Variants in APC observed in about 807,000 individuals in gnomAD.
APC encodes the protein adenomatous polyposis coli protein.
APC carries 72 observed loss-of-function variants against 247.0 expected under a neutral mutation model. The observed-to-expected ratio is 0.29, with a 90% CI of 0.24 to 0.35. The LOEUF (loss-of-function observed/expected upper bound fraction) is 0.35, where lower values mean the gene tolerates loss of function less well. Among genes scored for constraint, APC ranks in the 10% least tolerant of loss-of-function variants. APC has a pLI of 1.00. For missense variants in APC, 3,400 were observed against 3,360.7 expected (o/e 1.01, Z -0.29); for synonymous variants, 1,254 against 1,162.5 (o/e 1.08, Z -1.60).
intron 8 of APC, among the ~76,000 whole-genome samples, chr5:112,806,037 T>C (rs1761344321): frequency 6.6e-6 from 1 of 152,196 alleles, no homozygotes; most frequent in Admixed American, 6.5e-5. Flanking sequence ...TACCTCATAT[T>C]TACTGGGCCT....
Position 112,837,698 on chromosome 5 carries a change from G to C in APC, c.2104G>C (p.Gly702Arg), listed in dbSNP as rs1765106978. The stretch of plus-strand genomic sequence containing the variant: ...AGACCAGGAAGCATTATGGGACATG[G>C]GGGCAGTTAGCATGCTCAAGAACCT... ...PKDQEALWDM[G>R]AVSMLKNLIH... The change falls in exon 16 of 16, where the codon GGG becomes CGG. Residue 702 changes from glycine to arginine, a missense_variant. Physicochemically the swap from Gly to Arg is moderately radical, Grantham distance 125. Coordinates refer to ENST00000257430, the MANE Select transcript of APC (RefSeq NM_000038.6). 6.2e-7 allele frequency: 1 copy of C among 1,614,136 alleles called. No homozygotes were observed. Among genetic ancestry groups the C allele is most frequent in the Non-Finnish European group, 8.5e-7 (1 of 1,180,020 alleles).
At chr5:112,728,427 C>T (rs1223475119) in intron 1 of APC, among the ~76,000 whole-genome samples, 2 of 152,116 alleles carry the variant, frequency 1.3e-5, no homozygotes, top group East Asian at 1.9e-4. Context: ...CCACCGTGCC[C>T]GACCAGTGTA....
chr5:112,820,886 G>T (rs779782377), intron 10 of APC, among the ~76,000 whole-genome samples: 75 of 152,030 alleles, frequency 4.9e-4, no homozygotes, highest in Non-Finnish European at 9.1e-4. Context: ...TATTGAGACA[G>T]GGTCTCACAC....
intron 2 of APC, among the ~76,000 whole-genome samples, chr5:112,758,958 T>C (rs943990998): frequency 2.0e-5 from 3 of 152,210 alleles, no homozygotes; most frequent in Non-Finnish European, 4.4e-5. Context: ...AAGGTAAATA[T>C]GGCATTTTAG....
intron 9 of APC, among the ~76,000 whole-genome samples, chr5:112,816,472 G>C (rs936693057): frequency 6.6e-6 from 1 of 152,102 alleles, no homozygotes; most frequent in Non-Finnish European, 1.5e-5. Flanking sequence ...AAATATTTTA[G>C]GATTTGGGAA....
rs1208158280 is a variant in APC at position 112,739,245 on chromosome 5, TC to T, written c.-19+1322del. On this transcript the variant is annotated intron_variant, in intron 1 of 15. Transcript: ENST00000257430. ...AAGTGTTTTTCATTGAGCTTTTTTTTCCTTTACCTAAATGTAAAAGCCTATC... is the reference window on the plus strand; with the variant it reads ...AAGTGTTTTTCATTGAGCTTTTTTTTCTTTACCTAAATGTAAAAGCCTATC... 6.6e-5 allele frequency among the ~76,000 whole-genome samples: 10 copies of T among 152,314 alleles called. No individual in the cohort carries two copies. The South Asian group carries it at 1.4e-3, about 22-fold the overall frequency.
rs1580532778 is a variant in APC, at chr5:112,819,469, T to C, written c.1312+125T>C. ...AGAGGAGAAAATTCATATCAGCCAT[T>C]TGTGCTACTCATATTTAAAAGATTA... On this transcript the variant is annotated intron_variant, in intron 10 of 15. Transcript: ENST00000257430. 4 of 1,258,874 alleles carry C rather than the reference T, an allele frequency of 3.2e-6. No homozygotes were observed. In the East Asian group the frequency reaches 7.3e-5, roughly 23 times the overall value. The allele number at this position is 1,258,874 out of a possible 1,614,324, so 78.0% of individuals were successfully genotyped here. A position where few individuals can be genotyped will look rare whatever the true frequency, so the allele number is the denominator to read the frequency against.
intron 5 of APC, among the ~76,000 whole-genome samples, chr5:112,779,257 A>C (rs984057696): frequency 1.3e-5 from 2 of 152,194 alleles, no homozygotes; most frequent in Non-Finnish European, 2.9e-5. Flanking sequence ...ACCAAAGTGT[A>C]GTTTTGCTTA....
chr5:112,838,439 A>G lies in APC; in HGVS notation c.2845A>G (p.Met949Val), dbSNP rs587781348. 2.5e-6 allele frequency: 4 copies of G among 1,614,116 alleles called. No individual in the cohort carries two copies. Among genetic ancestry groups the G allele is most frequent in the African/African-American group, 2.7e-5 (2 of 74,946 alleles). ...KSENSNRTCS[M>V]PYAKLEYKRS... ...GGAAAATTCAAATAGGACATGTTCT[A>G]TGCCTTATGCCAAATTAGAATACAA... Residue 949 changes from methionine to valine, a missense_variant, in exon 16 of 16, where the codon ATG becomes GTG. Physicochemically the swap from Met to Val is conservative, Grantham distance 21 (BLOSUM62 1). This residue lies in a region of APC where 715 missense variants were observed against 656.6 expected (regional missense o/e 1.09). Transcript: ENST00000257430.
intron 7 of APC, among the ~76,000 whole-genome samples, chr5:112,795,315 C>T (rs1179680263): frequency 1.3e-5 from 2 of 152,166 alleles, no homozygotes; most frequent in East Asian, 1.9e-4. Flanking sequence ...CATAAGCCAC[C>T]GTTCCCAGCC....
chr5:112,780,337 A>T (rs1351646289), intron 5 of APC, among the ~76,000 whole-genome samples: 1 of 152,138 alleles, frequency 6.6e-6, no homozygotes, highest in African/African-American at 2.4e-5. Context: ...CTTAATCTGT[A>T]TGTATATGGT....
Position 112,843,396 on chromosome 5 carries a change from G to A in APC, c.7802G>A (p.Ser2601Asn), listed in dbSNP as rs1554088668. Reference protein sequence around the residue: ...HVNSISGTKQSKENQVSAKGT... With the variant: ...HVNSISGTKQNKENQVSAKGT... ...AACTCTATTTCAGGAACCAAACAAA[G>A]TAAAGAAAACCAAGTATCCGCAAAA... Residue 2601 changes from serine (S) to asparagine (N), a missense_variant, in exon 16 of 16, where the codon AGT becomes AAT. Transcript: ENST00000257430. This position sits in a 1 kb window ranked among gnomAD's most constrained non-coding sequence, Gnocchi z 4.8. 1.2e-6 allele frequency: 2 copies of A among 1,613,332 alleles called. No homozygotes were observed. The highest frequency in any genetic ancestry group is 1.7e-6 in the Non-Finnish European group (2 of 1,179,640).
intron 8 of APC, among the ~76,000 whole-genome samples, chr5:112,813,244 T>C (rs1287154201): frequency 6.6e-6 from 1 of 152,186 alleles, no homozygotes; most frequent in East Asian, 1.9e-4. Flanking sequence ...TTTTGACAAA[T>C]GTAGTTTTCT....
chr5:112,838,362 G>A lies in APC; in HGVS notation c.2768G>A (p.Arg923Lys), dbSNP rs1057519194. The A allele has an allele frequency of 6.2e-7, 1 of 1,614,162 alleles. No individual in the cohort carries two copies. The highest frequency in any genetic ancestry group is 8.5e-7 in the Non-Finnish European group (1 of 1,180,030). ...HCVTDERNAL[R>K]RSSAAHTHSN... is the part of the protein sequence containing the mutation. ...GTGACAGATGAGAGAAATGCACTTAGAAGAAGCTCTGCTGCCCATACACAT... is the reference window on the plus strand; with the variant it reads ...GTGACAGATGAGAGAAATGCACTTAAAAGAAGCTCTGCTGCCCATACACAT... The change falls in exon 16 of 16, where the codon AGA becomes AAA. Residue 923 changes from arginine (R) to lysine (K), a missense_variant. Arg to Lys is a conservative substitution (Grantham distance 26, BLOSUM62 2). Around this residue, in one of 9 missense-constraint regions of APC, gnomAD observed 715 missense variants for 656.6 expected, o/e 1.09. Transcript: ENST00000257430.
chr5:112,801,651 A>C (rs1371047519), intron 8 of APC, among the ~76,000 whole-genome samples: 1 of 151,728 alleles, frequency 6.6e-6, no homozygotes, highest in African/African-American at 2.4e-5. Flanking sequence ...TTTTTTAATA[A>C]CTCTAAGCTG....
intron 6 of APC, among the ~76,000 whole-genome samples, chr5:112,786,234 C>T (rs573412481): frequency 6.6e-6 from 1 of 151,532 alleles, no homozygotes; most frequent in Non-Finnish European, 1.5e-5. Flanking sequence ...GGACTTTAGG[C>T]GTGTACATCG....
intron 10 of APC, among the ~76,000 whole-genome samples, chr5:112,819,956 C>G (rs1334095219): frequency 6.6e-6 from 1 of 152,154 alleles, no homozygotes; most frequent in Admixed American, 6.5e-5. Context: ...CAGCTCGGTG[C>G]TCTTCCTACT....
chr5:112,838,878 A>C lies in APC; in HGVS notation c.3284A>C (p.Gln1095Pro). ...CTCAAGTTCCAACCACATTTTGGAC[A>C]GCAGGAATGTGTTTCTCCATACAGG... ...KHLKFQPHFG[Q>P]QECVSPYRSR... Residue 1095 changes from glutamine (Q) to proline (P), a missense_variant, in exon 16 of 16, where the codon CAG becomes CCG. Physicochemically the swap from Gln to Pro is moderately conservative, Grantham distance 76 (BLOSUM62 -1). This residue lies in a region of APC where 715 missense variants were observed against 656.6 expected (regional missense o/e 1.09). Transcript: ENST00000257430. The C allele has an allele frequency of 6.2e-7, 1 of 1,614,206 alleles. No homozygotes were observed. The highest frequency in any genetic ancestry group is 8.5e-7 in the Non-Finnish European group (1 of 1,180,046).
chr5:112,746,641 A>C (rs182648268), intron 1 of APC, among the ~76,000 whole-genome samples: 19 of 152,348 alleles, frequency 1.2e-4, no homozygotes, highest in Middle Eastern at 3.4e-3. Flanking sequence ...TTCAGCAACC[A>C]CTACTAACAA....
Sources: allele counts gnomAD v4.1 joint callset (sites outside exome capture counted in the v4.1 genomes callset), GRCh38; gene constraint gnomAD v4.1.1; regional missense constraint gnomAD v4.1.1; non-coding constraint Gnocchi (gnomAD v3.1); transcripts MANE v1.5; gene names NCBI Gene and HGNC (gene_info 2026-07-23, HGNC 2026-07-21).